ICA1: variants seen among roughly 807,000 people sequenced by gnomAD.
ICA1 encodes 69 kDa islet cell autoantigen.
In ICA1, 40 loss-of-function variants were observed where a neutral mutation model predicts 71.0. That is an observed-to-expected ratio of 0.56 (90% CI 0.44 to 0.73). The LOEUF (loss-of-function observed/expected upper bound fraction) is 0.73. Among genes scored for constraint, ICA1 ranks in the 30% least tolerant of loss-of-function variants. ICA1 has a pLI of 0.00. For missense variants in ICA1, 578 were observed against 576.5 expected, an observed-to-expected ratio of 1.00 and a Z score of -0.03; for synonymous variants, 207 against 209.5, an observed-to-expected ratio of 0.99 and a Z score of 0.10.
At position 8,113,230 on chromosome 7, in the gene ICA1, A is replaced by AC. The variant is rs1491554468; in HGVS notation, c.*692dup. The AC allele has an allele frequency of 6.6e-6, 1 of 150,912 alleles. No homozygotes were observed. Among genetic ancestry groups the AC allele is most frequent in the African/African-American group, 2.4e-5 (1 of 41,128 alleles). 9.3% of individuals were successfully genotyped at this position (150,912 alleles called of 1,614,324 possible). ...CTGTTTAATTAAAAAAAAAAAAAAAACAATGTCACAAGAGGCTTCAGAAAT... is the reference window on the plus strand; with the variant it reads ...CTGTTTAATTAAAAAAAAAAAAAAAACCAATGTCACAAGAGGCTTCAGAAAT... On this transcript the variant is annotated 3_prime_UTR_variant, in exon 14 of 14. Coordinates refer to ENST00000402384, the MANE Select transcript of ICA1 (RefSeq NM_001136020.3). The surrounding 1 kb of genome is among the most constrained non-coding windows in gnomAD (Gnocchi z 4.2).
chr7:8,204,175 C>T (rs1226295655), intron 6 of ICA1, among the ~76,000 whole-genome samples: 1 of 152,172 alleles, frequency 6.6e-6, no homozygotes, highest in African/African-American at 2.4e-5. Flanking sequence ...GTGACTGCTA[C>T]TTGAACAGGA....
intron 1 of ICA1, among the ~76,000 whole-genome samples, chr7:8,255,170 G>A (rs73061635): frequency 0.021 from 3,141 of 152,150 alleles, 41 homozygotes; most frequent in Non-Finnish European, 0.031. Context: ...TCTACCATCA[G>A]GCCTCATTCT....
chr7:8,212,480 G>C (rs1794122315), intron 6 of ICA1, among the ~76,000 whole-genome samples: 1 of 91,132 alleles, frequency 1.1e-5, no homozygotes, highest in Non-Finnish European at 2.1e-5. Flanking sequence ...CACAAGAAAT[G>C]CTTGAACCTG....
intron 1 of ICA1, among the ~76,000 whole-genome samples, chr7:8,238,836 C>A (rs548704330): frequency 3.3e-5 from 5 of 152,144 alleles, no homozygotes; most frequent in African/African-American, 4.8e-5. Flanking sequence ...CAGCCACTTG[C>A]ATTGAAATCT....
intron 6 of ICA1, among the ~76,000 whole-genome samples, chr7:8,183,321 T>C (rs1227676415): frequency 3.9e-5 from 6 of 152,170 alleles, no homozygotes; most frequent in Non-Finnish European, 8.8e-5. Flanking sequence ...ATTTGTCCCG[T>C]TAAAGGCTAT....
chr7:8,245,697 T>TA (rs1805737059), intron 1 of ICA1, among the ~76,000 whole-genome samples: 1 of 152,168 alleles, frequency 6.6e-6, no homozygotes, highest in African/African-American at 2.4e-5. Flanking sequence ...ATAACCAATA[T>TA]AAAAATGAGT....
chr7:8,227,331 T>C (rs548198601), intron 4 of ICA1, among the ~76,000 whole-genome samples: 45 of 152,110 alleles, frequency 3.0e-4, no homozygotes, highest in Non-Finnish European at 5.9e-4. Flanking sequence ...CTAATGGTGG[T>C]GGCCTGAACC....
chr7:8,218,552 T>C (rs1364855296), intron 5 of ICA1, 49 bp from the exon 6 acceptor site: 6 of 1,492,224 alleles, frequency 4.0e-6, no homozygotes, highest in Admixed American at 1.7e-5. Context: ...CAGTGAGCAA[T>C]TTAAATCCTT....
chr7:8,243,365 A>C (rs1004609876), intron 1 of ICA1, among the ~76,000 whole-genome samples: 1 of 152,198 alleles, frequency 6.6e-6, no homozygotes, highest in African/African-American at 2.4e-5. Context: ...AAAATTCAAC[A>C]ATGCTTCATG....
intron 1 of ICA1, among the ~76,000 whole-genome samples, chr7:8,251,468 C>T (rs1325139917): frequency 6.8e-6 from 1 of 146,878 alleles, no homozygotes; most frequent in African/African-American, 2.5e-5. Flanking sequence ...TCTAGGATGC[C>T]CCCAGTCACA....
chr7:8,218,128 C>G (rs1300650099), intron 6 of ICA1, among the ~76,000 whole-genome samples, 177 bp downstream of exon 6: 1 of 152,160 alleles, frequency 6.6e-6, no homozygotes, highest in Non-Finnish European at 1.5e-5. Context: ...TCTATCTTAT[C>G]CTTTAGAGAA....
intron 6 of ICA1, among the ~76,000 whole-genome samples, chr7:8,212,809 T>C (rs1289429433): frequency 6.6e-6 from 1 of 152,162 alleles, no homozygotes; most frequent in African/African-American, 2.4e-5. Context: ...AGTTATCTGT[T>C]TCATGCATGT....
intron 6 of ICA1, among the ~76,000 whole-genome samples, chr7:8,216,584 C>CAAACAAAAAAAAA (rs1795464382): frequency 7.0e-6 from 1 of 143,674 alleles, no homozygotes; most frequent in Non-Finnish European, 1.5e-5. Flanking sequence ...AAAACAAAAC[C>CAAACAAAAAAAAA]AAAAAAAAAA....
At chr7:8,227,990 A>C (rs1468104710) in intron 4 of ICA1, 1 of 302,058 alleles carries the variant, frequency 3.3e-6, no homozygotes, top group Non-Finnish European at 6.8e-6. Flanking sequence ...CAACAGAAAG[A>C]CTTCCCATAG....
intron 1 of ICA1, among the ~76,000 whole-genome samples, chr7:8,258,736 C>T (rs1183861736): frequency 6.6e-6 from 1 of 152,126 alleles, no homozygotes; most frequent in Non-Finnish European, 1.5e-5. Flanking sequence ...AAATTACTTA[C>T]AGGTCAAAAA....
intron 6 of ICA1, among the ~76,000 whole-genome samples, chr7:8,195,357 A>T (rs983757255): frequency 1.3e-5 from 2 of 152,080 alleles, no homozygotes; most frequent in African/African-American, 4.8e-5. Context: ...CCTGGCCATC[A>T]TGGTGAAACC....
chr7:8,178,589 T>TAA (rs1562861571), intron 6 of ICA1, among the ~76,000 whole-genome samples: 2 of 147,306 alleles, frequency 1.4e-5, no homozygotes, highest in Non-Finnish European at 3.1e-5. Flanking sequence ...TTTTTTTTTT[T>TAA]TAAAAAAGAA....
intron 13 of ICA1, among the ~76,000 whole-genome samples, chr7:8,114,342 G>C (rs867618208): frequency 2.0e-5 from 3 of 152,250 alleles, no homozygotes; most frequent in African/African-American, 7.2e-5. Flanking sequence ...AAACCCTCGG[G>C]CCCTGCCACT....
At chr7:8,155,700 T>C (rs1239104021) in intron 8 of ICA1, among the ~76,000 whole-genome samples, 1 of 152,168 alleles carries the variant, frequency 6.6e-6, no homozygotes, top group African/African-American at 2.4e-5. Context: ...GCCTCTGCTT[T>C]ATCAAAGAGT....
Sources: allele counts gnomAD v4.1 joint callset (sites outside exome capture counted in the v4.1 genomes callset), GRCh38; gene constraint gnomAD v4.1.1; non-coding constraint Gnocchi (gnomAD v3.1); transcripts MANE v1.5; gene names NCBI Gene and HGNC (gene_info 2026-07-23, HGNC 2026-07-21).